TOP2A: variants seen among roughly 807,000 people sequenced by gnomAD.
The protein encoded by TOP2A is DNA topoisomerase 2-alpha.
TOP2A carries 68 observed loss-of-function variants against 187.2 expected under a neutral mutation model. That is an observed-to-expected ratio of 0.36 (90% CI 0.30 to 0.44). The LOEUF (loss-of-function observed/expected upper bound fraction) is 0.44. TOP2A is among the 20% of genes least tolerant of loss of function. The pLI is 1.00. For synonymous variants in TOP2A, 542 were observed against 593.2 expected (o/e 0.91, Z 1.25); for missense variants, 1,196 against 1,808.7 (o/e 0.66, Z 6.14).
rs2035004490 is a variant in TOP2A at position 40,390,152 on chromosome 17, G to A, written c.4280C>T (p.Thr1427Ile). 1.2e-6 allele frequency: 2 copies of A among 1,611,416 alleles called. No homozygotes were observed. The highest frequency in any genetic ancestry group is 1.7e-5 in the Admixed American group (1 of 59,268). Reference protein sequence around the residue: ...KKTAAKSQSSTSTTGAKKRAA... With the variant: ...KKTAAKSQSSISTTGAKKRAA... ...CCTTTTTTTGGCACCGGTAGTGGAG[G>A]TGGAAGACTGACCTGCAATTCAATA... The change falls in exon 34 of 35, where the codon ACC becomes ATC. Residue 1427 changes from threonine (T) to isoleucine (I), a missense_variant. By Grantham distance (89) the Thr-to-Ile change is moderately conservative (BLOSUM62 -1). Coordinates refer to ENST00000423485, the MANE Select transcript of TOP2A (RefSeq NM_001067.4).
chr17:40,389,641 T>C lies in TOP2A; in HGVS notation c.4474A>G (p.Lys1492Glu). Residue 1492 changes from lysine to glutamate, a missense_variant, in exon 35 of 35, where the codon AAG (lysine) becomes GAG (glutamate). Coordinates refer to ENST00000423485, the MANE Select transcript of TOP2A (RefSeq NM_001067.4). ...VSKAVTSKKS[K>E]GESDDFHMDF... ...ATATGGAAGTCATCACTCTCCCCCTTGGATTTCTAAAAGAGAAAAGCCCAG... is the reference window on the plus strand; with the variant it reads ...ATATGGAAGTCATCACTCTCCCCCTCGGATTTCTAAAAGAGAAAAGCCCAG... 2 of 1,608,578 alleles carry C rather than the reference T, an allele frequency of 1.2e-6. No individual in the cohort carries two copies. The highest frequency in any genetic ancestry group is 1.7e-6 in the Non-Finnish European group (2 of 1,177,820).
chr17:40,409,532 GT>G (rs1402329647), intron 10 of TOP2A: 1 of 427,888 alleles, frequency 2.3e-6, no homozygotes, highest in Non-Finnish European at 4.6e-6. Context: ...GCCGAGGATG[GT>G]GGATCAAGTG....
At position 40,406,447 on chromosome 17, in the gene TOP2A, A is replaced by G; in HGVS notation, c.1890T>C (p.Asp630=). 6.8e-6 allele frequency: 11 copies of G among 1,613,848 alleles called. No homozygotes were observed. The highest frequency in any genetic ancestry group is 9.3e-6 in the Non-Finnish European group (11 of 1,179,816). ...TSKEAKEYFA[D]MKRHRIQFKY... The stretch of plus-strand genomic sequence containing the variant: ...TGAACTGGATACGATGTCTTTTCAT[A>G]TCTGCAAAGTATTCTTTAGCTTCCT... Residue 630 remains aspartate (D), a synonymous_variant, in exon 16 of 35, where the codon GAT becomes GAC. Coordinates refer to ENST00000423485, the MANE Select transcript of TOP2A (RefSeq NM_001067.4).
At position 40,404,864 on chromosome 17, in the gene TOP2A, A is replaced by G. The variant is rs377178259; in HGVS notation, c.1973T>C (p.Ile658Thr). The change falls in exon 17 of 35, where the codon ATA becomes ACA. Residue 658 changes from isoleucine (I) to threonine (T), a missense_variant. Around this residue, in one of 10 missense-constraint regions of TOP2A, gnomAD observed 209 missense variants for 376.9 expected, o/e 0.55. Transcript: ENST00000423485. ...AISLAFSKKQ[I>T]DDRKEWLTNF... ...AGTTAACCATTCCTTTCGATCATCT[A>G]TCTGTTTTTTGCTAAAGGCCTATAA... 1.3e-6 allele frequency: 2 copies of G among 1,590,112 alleles called. No homozygotes were observed. Among genetic ancestry groups the G allele is most frequent in the Non-Finnish European group, 1.7e-6 (2 of 1,166,520 alleles).
intron 4 of TOP2A, among the ~76,000 whole-genome samples, chr17:40,415,077 CAG>C: frequency 7.0e-6 from 1 of 142,720 alleles, no homozygotes; most frequent in Non-Finnish European, 1.5e-5. Flanking sequence ...TTTTTTGAGA[CAG>C]AGTCTTGCTG....
chr17:40,398,806 C>T lies in TOP2A; in HGVS notation c.3420G>A (p.Lys1140=). 11 of 1,612,590 alleles carry T rather than the reference C, an allele frequency of 6.8e-6. No homozygotes were observed. Among genetic ancestry groups the T allele is most frequent in the Non-Finnish European group, 9.3e-6 (11 of 1,179,492 alleles). The change falls in exon 26 of 35, where the codon AAG becomes AAA. Residue 1140 remains lysine, a synonymous_variant. Coordinates refer to ENST00000423485, the MANE Select transcript of TOP2A (RefSeq NM_001067.4). ...TTCTTAGCCTGCAGAGTTCATCTTT[C>T]TTTTCCTTGGTTAAATACCAAAGGG... ...DMPLWYLTKE[K]KDELCRLRNE...
rs34209857 is a variant in TOP2A, at chr17:40,412,819, T to G, written c.729A>C (p.Ala243=). ...KDIVALMVRR[A]YDIAGSTKDV... ...CTTTGGTGGATCCAGCAATATCATA[T>G]GCTCTTCTGACCATTAGTGCAACAA... Residue 243 remains alanine (A), a synonymous_variant, in exon 7 of 35, where the codon GCA becomes GCC. Transcript: ENST00000423485. 3 of 1,614,030 alleles carry G rather than the reference T, an allele frequency of 1.9e-6. No individual in the cohort carries two copies. Among genetic ancestry groups the G allele is most frequent in the Admixed American group, 3.3e-5 (2 of 60,026 alleles).
intron 16 of TOP2A, 69 bp downstream of exon 16, chr17:40,406,315 A>C: frequency 8.8e-6 from 10 of 1,141,696 alleles, no homozygotes; most frequent in Non-Finnish European, 1.2e-5. Flanking sequence ...ACAAAAATGT[A>C]AATGTTTCAA....
chr17:40,405,388 T>A (rs1478537196), intron 16 of TOP2A, among the ~76,000 whole-genome samples: 2 of 151,634 alleles, frequency 1.3e-5, no homozygotes, highest in African/African-American at 4.8e-5. Context: ...CGAGCTCAGG[T>A]GATCCACCCG....
chr17:40,413,010 T>A, intron 6 of TOP2A, 39 bp from the exon 7 acceptor site: 1 of 1,534,374 alleles, frequency 6.5e-7, no homozygotes, highest in Non-Finnish European at 8.9e-7. Flanking sequence ...AAAATTCAAG[T>A]CATCTCACAA....
intron 29 of TOP2A, among the ~76,000 whole-genome samples, chr17:40,395,117 T>G (rs1275341595): frequency 6.6e-6 from 1 of 151,938 alleles, no homozygotes; most frequent in Non-Finnish European, 1.5e-5. Flanking sequence ...ACCCCGTCTC[T>G]ACTAAAAATA....
chr17:40,413,824 C>G (rs1273244685), intron 4 of TOP2A, among the ~76,000 whole-genome samples, 199 bp from the exon 5 acceptor site: 3 of 152,264 alleles, frequency 2.0e-5, no homozygotes, highest in South Asian at 2.1e-4. Flanking sequence ...CATGTTGAAA[C>G]CGTCTCTACT....
In TOP2A at chr17:40,400,774, T is replaced by C. The variant is rs2035169362; in HGVS notation, c.2664+76A>G. On this transcript the variant is annotated intron_variant, in intron 21 of 34. Coordinates refer to ENST00000423485, the MANE Select transcript of TOP2A (RefSeq NM_001067.4). ...TATGAAATTAAATTTTATGTTTGCATCATCTTTAATCATACAATCTATTCA... is the reference window on the plus strand; with the variant it reads ...TATGAAATTAAATTTTATGTTTGCACCATCTTTAATCATACAATCTATTCA... 5 of 1,536,622 alleles carry C rather than the reference T, an allele frequency of 3.3e-6. No individual in the cohort carries two copies. In the South Asian group the frequency reaches 6.0e-5, roughly 18 times the overall value.
Position 40,400,566 on chromosome 17 carries a change from A to G in TOP2A, c.2762T>C (p.Ile921Thr), listed in dbSNP as rs1171847628. Residue 921 changes from isoleucine to threonine, a missense_variant, in exon 22 of 35, where the codon ATT (isoleucine) becomes ACT (threonine). Transcript: ENST00000423485. ...GEVAILNSTT[I>T]EISELPVRTW... ...TCTGACGGGAAGCTCTGAGATTTCAATGGTTGTAGAATTAAGAATAGCTAC... is the reference window on the plus strand; with the variant it reads ...TCTGACGGGAAGCTCTGAGATTTCAGTGGTTGTAGAATTAAGAATAGCTAC... 9 of 1,611,052 alleles carry G rather than the reference A, an allele frequency of 5.6e-6. No individual in the cohort carries two copies. The highest frequency in any genetic ancestry group is 1.3e-5 in the African/African-American group (1 of 74,984).
intron 29 of TOP2A, among the ~76,000 whole-genome samples, 168 bp downstream of exon 29, chr17:40,395,281 C>CCA (rs2035078925): frequency 1.8e-5 from 1 of 54,856 alleles, no homozygotes; most frequent in Non-Finnish European, 3.6e-5. Context: ...GAAACTGTCT[C>CCA]AAAAAAAAAA....
intron 27 of TOP2A, among the ~76,000 whole-genome samples, chr17:40,397,384 C>G (rs1168722586): frequency 6.7e-6 from 1 of 149,990 alleles, no homozygotes; most frequent in East Asian, 2.0e-4. Flanking sequence ...CTTCTGGGTT[C>G]AAGCAATTTT....
Position 40,417,892 on chromosome 17 carries a change from C to A in TOP2A, c.-101G>T. 6.5e-7 allele frequency: 1 copy of A among 1,527,624 alleles called. No homozygotes were observed. Among genetic ancestry groups the A allele is most frequent in the South Asian group, 1.2e-5 (1 of 86,396 alleles). The allele number at this position is 1,527,624 out of a possible 1,614,324, so 94.6% of individuals were successfully genotyped here. On this transcript the variant is annotated 5_prime_UTR_variant, in exon 1 of 35. Transcript: ENST00000423485. The stretch of plus-strand genomic sequence containing the variant: ...AAGCCGCTTCTCCACAGACGCGCGT[C>A]GGTTAGGAGAGCTCCACTTGAACCT...
chr17:40,399,305 T>C (rs16965748), intron 24 of TOP2A, 174 bp from the exon 25 acceptor site: 15,075 of 591,590 alleles, frequency 0.025, 324 homozygotes, highest in African/African-American at 0.08. Context: ...CAAATGTAAA[T>C]TACCACAAGG....
intron 23 of TOP2A, 42 bp downstream of exon 23, chr17:40,400,167 A>G (rs144224326): frequency 3.1e-6 from 5 of 1,597,538 alleles, no homozygotes; most frequent in Non-Finnish European, 4.3e-6. Context: ...TTAATCTTTA[A>G]TATAAATTGA....
Sources: gnomAD v4.1 joint callset for allele counts (sites outside exome capture counted in the v4.1 genomes callset) on GRCh38, gnomAD v4.1.1 for gene constraint, gnomAD v4.1.1 regional missense constraint, MANE v1.5 for transcripts, NCBI Gene and HGNC (gene_info 2026-07-23, HGNC 2026-07-21) for gene names.